HERC1: variants seen among roughly 807,000 people sequenced by gnomAD.
HERC1 encodes HECT and RLD domain containing E3 ubiquitin protein ligase family member 1, also known as probable E3 ubiquitin-protein ligase HERC1.
HERC1 carries 160 observed loss-of-function variants against 554.3 expected under a neutral mutation model. The ratio of observed to expected loss-of-function variants is 0.29; its 90% CI spans 0.25 to 0.33. The LOEUF is 0.33. Among genes scored for constraint, HERC1 ranks in the 10% least tolerant of loss-of-function variants. HERC1 has a pLI of 1.00. For synonymous variants in HERC1, 2,175 were observed against 2,131.7 expected, an observed-to-expected ratio of 1.02 and a Z score of -0.56; for missense variants, 4,919 against 5,918.5, an observed-to-expected ratio of 0.83 and a Z score of 5.54.
chr15:63,678,797 T>G (rs571308275), intron 36 of HERC1, among the ~76,000 whole-genome samples: 25 of 152,268 alleles, frequency 1.6e-4, no homozygotes, highest in African/African-American at 6.0e-4. Context: ...GGATACACAC[T>G]GCAAATAAGA....
At chr15:63,648,823 C>G (rs2069493892) in intron 54 of HERC1, among the ~76,000 whole-genome samples, 1 of 152,132 alleles carries the variant, frequency 6.6e-6, no homozygotes, top group Admixed American at 6.6e-5. Flanking sequence ...GAAAGTATTA[C>G]CTATTCTTAA....
At chr15:63,738,842 C>A (rs2074661196) in intron 12 of HERC1, among the ~76,000 whole-genome samples, 1 of 152,094 alleles carries the variant, frequency 6.6e-6, no homozygotes, top group Non-Finnish European at 1.5e-5. Flanking sequence ...TTATTTTATT[C>A]TAGTACTTTT....
Position 63,624,237 on chromosome 15 carries a change from T to A in HERC1, c.13366A>T (p.Met4456Leu). ...ATGGTTTTTCCTATGGAGCGCACCA[T>A]TGGCAGAGTGTAGACTCTTGGGGCT... Reference protein sequence around the residue: ...LLAPRVYTLPMVRSIGKTMVQ... With the variant: ...LLAPRVYTLPLVRSIGKTMVQ... Residue 4456 changes from methionine to leucine, a missense_variant, in exon 72 of 78, where the codon ATG becomes TTG. Coordinates refer to ENST00000443617, the MANE Select transcript of HERC1 (RefSeq NM_003922.4). The A allele has an allele frequency of 6.2e-7, 1 of 1,613,946 alleles. No individual in the cohort carries two copies. The highest frequency in any genetic ancestry group is 8.5e-7 in the Non-Finnish European group (1 of 1,179,822).
chr15:63,610,573 A>G (rs1489528393), intron 77 of HERC1, among the ~76,000 whole-genome samples: 3 of 152,206 alleles, frequency 2.0e-5, no homozygotes, highest in Non-Finnish European at 4.4e-5. Flanking sequence ...CAGATTTACA[A>G]CTTACAGTTC....
intron 37 of HERC1, 99 bp from the exon 38 acceptor site, chr15:63,675,216 C>T (rs2071136787): frequency 1.1e-6 from 1 of 925,746 alleles, no homozygotes; most frequent in Non-Finnish European, 1.6e-6. Flanking sequence ...GCATCATGTA[C>T]ACAATACAGA....
At chr15:63,702,915 C>T (rs1359666355) in intron 25 of HERC1, among the ~76,000 whole-genome samples, 1 of 152,010 alleles carries the variant, frequency 6.6e-6, no homozygotes, top group African/African-American at 2.4e-5. Flanking sequence ...ACCAGCCTGG[C>T]CAACATGGTG....
Position 63,664,554 on chromosome 15 carries a change from T to C in HERC1, c.8596A>G (p.Ser2866Gly), listed in dbSNP as rs561208658. The change falls in exon 43 of 78, where the codon AGT becomes GGT. Residue 2866 changes from serine to glycine, a missense_variant. By Grantham distance (56) the Ser-to-Gly change is moderately conservative. Around this residue, in one of 11 missense-constraint regions of HERC1, gnomAD observed 1,963 missense variants for 2,228.6 expected, o/e 0.88. Transcript: ENST00000443617. Reference protein sequence around the residue: ...LDHTENAASGSGPSARGRSAV... With the variant: ...LDHTENAASGGGPSARGRSAV... The stretch of plus-strand genomic sequence containing the variant: ...GAGCGACCTCTAGCTGATGGTCCAC[T>C]TCCAGAAGCTGCATTCTCTGTATGA... 1.2e-6 allele frequency: 2 copies of C among 1,613,612 alleles called. No homozygotes were observed. The highest frequency in any genetic ancestry group is 2.7e-5 in the African/African-American group (2 of 75,058).
chr15:63,609,669 T>C (rs150696805), intron 77 of HERC1, among the ~76,000 whole-genome samples: 114 of 152,114 alleles, frequency 7.5e-4, no homozygotes, highest in Non-Finnish European at 1.2e-3. Context: ...ACAGAGCAGG[T>C]AGAATGGAAA....
intron 74 of HERC1, among the ~76,000 whole-genome samples, chr15:63,619,860 T>C (rs1432613404): frequency 6.6e-6 from 1 of 152,174 alleles, no homozygotes; most frequent in Non-Finnish European, 1.5e-5. Context: ...TCATTTTTTA[T>C]TGCGTCTATT....
At chr15:63,786,241 C>T (rs1467861934) in intron 1 of HERC1, among the ~76,000 whole-genome samples, 1 of 147,384 alleles carries the variant, frequency 6.8e-6, no homozygotes, top group Non-Finnish European at 1.5e-5. Context: ...CCACTACACG[C>T]CAGGCTAGAC....
chr15:63,629,513 A>G (rs1429040808), intron 69 of HERC1, among the ~76,000 whole-genome samples: 1 of 152,202 alleles, frequency 6.6e-6, no homozygotes, highest in Non-Finnish European at 1.5e-5. Context: ...TATGGAAGCA[A>G]ATTCTAATCT....
Position 63,718,965 on chromosome 15 carries a change from G to T in HERC1, c.3743-68C>A. 3 of 1,059,680 alleles carry T rather than the reference G, an allele frequency of 2.8e-6. No individual in the cohort carries two copies. Among genetic ancestry groups the T allele is most frequent in the Non-Finnish European group, 2.8e-6 (2 of 717,650 alleles). 65.6% of individuals were successfully genotyped at this position (1,059,680 alleles called of 1,614,324 possible). A position where few individuals can be genotyped will look rare whatever the true frequency, so the allele number is the denominator to read the frequency against. On this transcript the variant is annotated intron_variant, in intron 19 of 77. Transcript: ENST00000443617. The surrounding 1 kb of genome is among the most constrained non-coding windows in gnomAD (Gnocchi z 4.2). ...AAACAGTTCAGAGGTAATTTTTATA[G>T]CTTTAGTCATCCAACACCTGAATTT...
intron 61 of HERC1, among the ~76,000 whole-genome samples, chr15:63,639,552 A>G (rs1438619531): frequency 2.0e-5 from 3 of 152,212 alleles, no homozygotes; most frequent in Non-Finnish European, 4.4e-5. Flanking sequence ...ATTTTACTTA[A>G]TTTATATTTG....
intron 40 of HERC1, among the ~76,000 whole-genome samples, chr15:63,667,490 AG>A (rs1286250390): frequency 6.6e-6 from 1 of 152,238 alleles, no homozygotes; most frequent in African/African-American, 2.4e-5. Flanking sequence ...GGACATTAAC[AG>A]AACATTAGAC....
Position 63,698,971 on chromosome 15 carries a change from G to T in HERC1, c.4662C>A (p.Ser1554=), listed in dbSNP as rs948070965. 6.2e-7 allele frequency: 1 copy of T among 1,612,984 alleles called. No individual in the cohort carries two copies. Among genetic ancestry groups the T allele is most frequent in the Admixed American group, 1.7e-5 (1 of 59,992 alleles). ...TCAGGCGAGCCCAAGAGTCACTCAG[G>T]GATTCCAATTGACTGTGCATAGGAC... ...KRGPMHSQLE[S]LSDSWARLKH... The change falls in exon 26 of 78, where the codon TCC becomes TCA. Residue 1554 remains serine (S), a synonymous_variant. Coordinates refer to ENST00000443617, the MANE Select transcript of HERC1 (RefSeq NM_003922.4).
rs202128593 is a variant in HERC1 at position 63,665,956 on chromosome 15, C to A, written c.8518G>T (p.Ala2840Ser). ...CCTTCCTCCATTTCAGCAGCATCAG[C>A]TGATGGTATGTCTCCAGGTGACTGC... ...YLQSPGDIPS[A>S]DAAEMEEGFS... The change falls in exon 42 of 78, where the codon GCT becomes TCT. Residue 2840 changes from alanine (A) to serine (S), a missense_variant. This residue lies in a region of HERC1 where 1,963 missense variants were observed against 2,228.6 expected (regional missense o/e 0.88). Transcript: ENST00000443617. 34 of 1,613,824 alleles carry A rather than the reference C, an allele frequency of 2.1e-5. No individual in the cohort carries two copies. Among genetic ancestry groups the A allele is most frequent in the Non-Finnish European group, 2.6e-5 (31 of 1,179,842 alleles).
chr15:63,745,796 G>C (rs369417104), intron 12 of HERC1, among the ~76,000 whole-genome samples: 2 of 152,166 alleles, frequency 1.3e-5, no homozygotes, highest in African/African-American at 4.8e-5. Context: ...TTGGCAGGGG[G>C]AATGATCAGT....
intron 10 of HERC1, among the ~76,000 whole-genome samples, chr15:63,748,694 T>C (rs2075142118): frequency 6.6e-6 from 1 of 152,172 alleles, no homozygotes; most frequent in Admixed American, 6.5e-5. Context: ...TAACTATTGA[T>C]AAATATTTTT....
intron 7 of HERC1, among the ~76,000 whole-genome samples, chr15:63,754,251 G>A (rs2075347922): frequency 6.6e-6 from 1 of 151,692 alleles, no homozygotes; most frequent in Non-Finnish European, 1.5e-5. Context: ...ACACATGTAG[G>A]TATACTTTGG....
Sources: allele counts gnomAD v4.1 joint callset (sites outside exome capture counted in the v4.1 genomes callset), GRCh38; gene constraint gnomAD v4.1.1; regional missense constraint gnomAD v4.1.1; non-coding constraint Gnocchi (gnomAD v3.1); transcripts MANE v1.5; gene names NCBI Gene and HGNC (gene_info 2026-07-23, HGNC 2026-07-21).